The following SKAP1 variants were observed in gnomAD, a reference collection of about 807,000 sequenced individuals.
SKAP1 encodes src kinase-associated phosphoprotein 1.
SKAP1 carries 44 observed loss-of-function variants against 58.5 expected under a neutral mutation model. The observed-to-expected ratio is 0.75, with a 90% CI of 0.59 to 0.97. The LOEUF is 0.97. SKAP1 is among the 50% of genes least tolerant of loss of function. SKAP1 has a pLI of 0.00. For missense variants in SKAP1, 390 were observed against 435.2 expected (o/e 0.90, Z 0.92); for synonymous variants, 127 against 149.7 (o/e 0.85, Z 1.11).
chr17:48,187,206 A>C (rs2064468264), intron 6 of SKAP1, among the ~76,000 whole-genome samples: 1 of 152,084 alleles, frequency 6.6e-6, no homozygotes. Context: ...CATGGATGGG[A>C]GGTCTTCTAG....
Position 48,366,887 on chromosome 17 carries a change from A to C in SKAP1, c.153-3073T>G, listed in dbSNP as rs143593207. ...GTACACTCTCTCTCTTCTTTCCAAA[A>C]TATTGATGATGGCAACAGCAGGAAC... On this transcript the variant is annotated intron_variant, in intron 2 of 12. Coordinates refer to ENST00000336915, the MANE Select transcript of SKAP1 (RefSeq NM_003726.4). Among the ~76,000 whole-genome samples, 615 of 152,252 alleles carry C rather than the reference A, an allele frequency of 4.0e-3. 8 individuals are homozygous for C. The highest frequency in any genetic ancestry group is 0.014 in the African/African-American group (589 of 41,544).
At position 48,238,854 on chromosome 17, in the gene SKAP1, G is replaced by A. The variant is rs986761579; in HGVS notation, c.281-49354C>T. Among the ~76,000 whole-genome samples the A allele has an allele frequency of 7.8e-4, 119 of 152,216 alleles. 1 individual carries two copies. Among genetic ancestry groups the A allele is most frequent in the Middle Eastern group, 6.8e-3 (2 of 292 alleles). On this transcript the variant is annotated intron_variant, in intron 4 of 12. Transcript: ENST00000336915. ...TGACTCAGAGAAACAGTGAACTGGC[G>A]AAATGTTTGGAAGGCTAGTAGGTTA...
intron 10 of SKAP1, among the ~76,000 whole-genome samples, chr17:48,163,714 T>C (rs958478256): frequency 3.9e-5 from 6 of 152,184 alleles, no homozygotes; most frequent in Non-Finnish European, 7.3e-5. Flanking sequence ...TATTGGTGGC[T>C]GAGGATAGGG....
At chr17:48,268,999 G>T (rs1174624147) in intron 4 of SKAP1, among the ~76,000 whole-genome samples, 1 of 151,968 alleles carries the variant, frequency 6.6e-6, no homozygotes, top group Non-Finnish European at 1.5e-5. Context: ...TACAAAAATA[G>T]ATCAATAGAA....
intron 2 of SKAP1, among the ~76,000 whole-genome samples, chr17:48,386,586 G>A (rs143026292): frequency 5.3e-4 from 81 of 152,188 alleles, no homozygotes; most frequent in African/African-American, 1.8e-3. Context: ...TTGGAGTATC[G>A]AGGATCTAAA....
intron 2 of SKAP1, among the ~76,000 whole-genome samples, chr17:48,369,418 G>A (rs1347018423): frequency 2.0e-5 from 3 of 150,646 alleles, no homozygotes; most frequent in African/African-American, 7.3e-5. Flanking sequence ...ATGAGCCTGC[G>A]AGGTTGAGGC....
chr17:48,413,529 T>A (rs529432138), intron 1 of SKAP1, among the ~76,000 whole-genome samples: 1,342 of 100,652 alleles, frequency 0.013, 187 homozygotes, highest in African/African-American at 0.037. Context: ...AAAAAATATA[T>A]ATATATATAT....
chr17:48,225,874 C>T (rs759230982), intron 4 of SKAP1, among the ~76,000 whole-genome samples: 3 of 152,086 alleles, frequency 2.0e-5, no homozygotes, highest in Non-Finnish European at 2.9e-5. Flanking sequence ...CTAGGACGTG[C>T]GAGAAAAGAC....
At position 48,425,083 on chromosome 17, in the gene SKAP1, C is replaced by T. The variant is rs372514861; in HGVS notation, c.46+4992G>A. 1.2e-3 allele frequency among the ~76,000 whole-genome samples: 189 copies of T among 152,162 alleles called. 3 individuals are homozygous for T. The South Asian group carries it at 0.038, about 31-fold the overall frequency. ...GACCAGCCTGGCCAACATAGTGAAA[C>T]CCTGTCTCTACTAAAAATATAAAAA... On this transcript the variant is annotated intron_variant, in intron 1 of 12. Transcript: ENST00000336915.
At chr17:48,176,596 C>G (rs1598397977) in intron 9 of SKAP1, among the ~76,000 whole-genome samples, 1 of 152,094 alleles carries the variant, frequency 6.6e-6, no homozygotes, top group Non-Finnish European at 1.5e-5. Context: ...ATGCTCAACA[C>G]GGATGTTCAG....
chr17:48,270,944 C>T (rs1293330815), intron 4 of SKAP1, among the ~76,000 whole-genome samples: 10 of 84,934 alleles, frequency 1.2e-4, no homozygotes, highest in South Asian at 3.5e-4. Context: ...CAGGTTTAAG[C>T]GGGGGGAGGG....
At chr17:48,172,925 C>A (rs1158562895) in intron 9 of SKAP1, among the ~76,000 whole-genome samples, 1 of 152,132 alleles carries the variant, frequency 6.6e-6, no homozygotes, top group Non-Finnish European at 1.5e-5. Context: ...CCTGTAATCC[C>A]AGCACTCTGG....
chr17:48,261,108 G>C (rs187880168), intron 4 of SKAP1, among the ~76,000 whole-genome samples: 1 of 152,082 alleles, frequency 6.6e-6, no homozygotes, highest in East Asian at 1.9e-4. Flanking sequence ...GGATCTGAAC[G>C]ACCCCTAAGT....
intron 4 of SKAP1, among the ~76,000 whole-genome samples, chr17:48,196,386 GTTTTA>G (rs2064630103): frequency 6.6e-6 from 1 of 152,134 alleles, no homozygotes; most frequent in Non-Finnish European, 1.5e-5. Flanking sequence ...AAATGAGCAG[GTTTTA>G]TTTTATTTTT....
At chr17:48,148,824 A>C (rs1233603431) in intron 11 of SKAP1, among the ~76,000 whole-genome samples, 1 of 152,228 alleles carries the variant, frequency 6.6e-6, no homozygotes, top group African/African-American at 2.4e-5. Context: ...CTTTAAAAAA[A>C]AAGAAGAAAA....
intron 6 of SKAP1, 39 bp downstream of exon 6, chr17:48,187,802 TCC>T: frequency 7.1e-7 from 1 of 1,413,540 alleles, no homozygotes; most frequent in Non-Finnish European, 1.0e-6. Flanking sequence ...AGTGTTTGCA[TCC>T]AGGAGTGAGA....
At chr17:48,158,890 G>A (rs1258144037) in intron 11 of SKAP1, among the ~76,000 whole-genome samples, 1 of 151,820 alleles carries the variant, frequency 6.6e-6, no homozygotes, top group African/African-American at 2.4e-5. Context: ...AACCCCAGGG[G>A]GCGGAGCCTG....
intron 8 of SKAP1, among the ~76,000 whole-genome samples, chr17:48,180,479 C>T (rs535858920): frequency 1.3e-5 from 2 of 152,202 alleles, no homozygotes; most frequent in South Asian, 4.2e-4. Flanking sequence ...TCCTTCCTTG[C>T]AATAAAACTT....
intron 4 of SKAP1, among the ~76,000 whole-genome samples, chr17:48,337,133 A>G (rs968173152): frequency 1.3e-5 from 2 of 152,150 alleles, no homozygotes; most frequent in Admixed American, 6.5e-5. Flanking sequence ...ATTCCATATA[A>G]TCTTTCTTTC....
Sources: gnomAD v4.1 joint callset for allele counts (sites outside exome capture counted in the v4.1 genomes callset) on GRCh38, gnomAD v4.1.1 for gene constraint, MANE v1.5 for transcripts, NCBI Gene and HGNC (gene_info 2026-07-23, HGNC 2026-07-21) for gene names.